The following PDK1 variants were observed in gnomAD, a reference collection of about 807,000 sequenced individuals.
PDK1 encodes pyruvate dehydrogenase kinase 1.
PDK1 carries 39 observed loss-of-function variants against 54.2 expected under a neutral mutation model. That is an observed-to-expected ratio of 0.72 (90% confidence interval 0.56 to 0.94). PDK1 has a LOEUF of 0.94. Ranked by LOEUF, PDK1 falls within the 40% of genes least tolerant of loss-of-function variation. The probability of loss-of-function intolerance (pLI) is 0.00; values close to 1 mark genes in which losing one functional copy is unlikely to be tolerated. For synonymous variants in PDK1, 221 were observed against 207.1 expected (o/e 1.07, Z -0.58); for missense variants, 552 against 566.0 (o/e 0.98, Z 0.25).
chr2:172,626,675 TC>T, the PDK1 span, among the ~76,000 whole-genome samples: 2 of 151,932 alleles, frequency 1.3e-5, no homozygotes, highest in Non-Finnish European at 2.9e-5. Flanking sequence ...ATTCCTGTAG[TC>T]CCAGCTTCTC....
chr2:172,715,608 G>A, the PDK1 span, among the ~76,000 whole-genome samples: 1 of 152,256 alleles, frequency 6.6e-6, no homozygotes, highest in African/African-American at 2.4e-5. Context: ...CCCGCCTCAT[G>A]GGAATGCAAC....
chr2:172,677,419 A>G, the PDK1 span: 1 of 152,136 alleles, frequency 6.6e-6, no homozygotes, highest in South Asian at 2.1e-4. Context: ...TTTTGTATCT[A>G]TTTTGCCTTT....
chr2:172,667,241 G>T, the PDK1 span, among the ~76,000 whole-genome samples: 1 of 152,208 alleles, frequency 6.6e-6, no homozygotes, highest in Non-Finnish European at 1.5e-5. Context: ...GAAAGCAGAG[G>T]GAATGAGAGG....
chr2:172,711,249 TCA>T, the PDK1 span, among the ~76,000 whole-genome samples: 1 of 152,208 alleles, frequency 6.6e-6, no homozygotes, highest in African/African-American at 2.4e-5. Context: ...CCATAGTGTG[TCA>T]GTGTGTTTCC....
intron 8 of PDK1, among the ~76,000 whole-genome samples, chr2:172,574,470 A>G (rs919990792): frequency 6.6e-6 from 1 of 152,214 alleles, no homozygotes; most frequent in African/African-American, 2.4e-5. Flanking sequence ...AATGCCAGCT[A>G]GAATTTTGAT....
chr2:172,596,048 A>G lies in PDK1; in HGVS notation c.*79A>G. On this transcript the variant is annotated 3_prime_UTR_variant, in exon 11 of 11. Coordinates refer to ENST00000282077, the MANE Select transcript of PDK1 (RefSeq NM_002610.5). ...GGTATGGTGTTCAGAACTATATTAT[A>G]CCAAGTACTTTATTTATCGTTTTCA... 8.5e-7 allele frequency: 1 copy of G among 1,172,472 alleles called. No individual in the cohort carries two copies. Among genetic ancestry groups the G allele is most frequent in the Non-Finnish European group, 1.2e-6 (1 of 839,156 alleles). The allele number at this position is 1,172,472 out of a possible 1,614,324, so 72.6% of individuals were successfully genotyped here.
At chr2:172,699,398 C>T in the PDK1 span, among the ~76,000 whole-genome samples, 1 of 151,720 alleles carries the variant, frequency 6.6e-6, no homozygotes, top group East Asian at 1.9e-4. Flanking sequence ...GAAACAAACT[C>T]TTCCGTCCCT....
the PDK1 span, among the ~76,000 whole-genome samples, chr2:172,638,850 ATTAAACG>A: frequency 6.6e-6 from 1 of 152,200 alleles, no homozygotes; most frequent in Non-Finnish European, 1.5e-5. Context: ...CCACATATAA[ATTAAACG>A]TTCTTACATT....
chr2:172,572,390 G>A (rs191094499), intron 8 of PDK1, among the ~76,000 whole-genome samples: 96 of 152,216 alleles, frequency 6.3e-4, no homozygotes, highest in African/African-American at 2.2e-3. Context: ...AAGTATTGCC[G>A]CTGTCTCATT....
chr2:172,601,626 CT>C lies in PDK1; in HGVS notation c.*5662del, dbSNP rs1691119777. 2 of 152,152 alleles carry C rather than the reference CT, an allele frequency of 1.3e-5. No individual in the cohort carries two copies. The highest frequency in any genetic ancestry group is 1.5e-5 in the Non-Finnish European group (1 of 68,038). 9.4% of individuals were successfully genotyped at this position (152,152 alleles called of 1,614,324 possible). On this transcript the variant is annotated 3_prime_UTR_variant, in exon 11 of 11. Coordinates refer to ENST00000282077, the MANE Select transcript of PDK1 (RefSeq NM_002610.5). The stretch of plus-strand genomic sequence containing the variant: ...AGCCTTGCGGAACTGTGAGTCAATC[CT>C]TTTTATTATAAATTACCCCGTCTCA...
At chr2:172,699,478 CTT>C in the PDK1 span, among the ~76,000 whole-genome samples, 49 of 130,204 alleles carry the variant, frequency 3.8e-4, no homozygotes, top group East Asian at 4.4e-4. Context: ...CCTCATCTGA[CTT>C]TTTTTTTTTT....
chr2:172,634,211 A>G, the PDK1 span, among the ~76,000 whole-genome samples: 54 of 148,476 alleles, frequency 3.6e-4, no homozygotes, highest in Middle Eastern at 3.5e-3. Context: ...TTCATTCAGC[A>G]TTATGTTTTT....
chr2:172,682,650 C>T, the PDK1 span, among the ~76,000 whole-genome samples: 1 of 152,154 alleles, frequency 6.6e-6, no homozygotes, highest in Non-Finnish European at 1.5e-5. Context: ...GCTTTGCAGA[C>T]CTAAACCCAG....
chr2:172,686,446 A>G, the PDK1 span, among the ~76,000 whole-genome samples: 2 of 152,140 alleles, frequency 1.3e-5, no homozygotes, highest in African/African-American at 2.4e-5. Context: ...AGCTAGCTGG[A>G]GGTTTGTAAA....
In PDK1 at chr2:172,604,189, C is replaced by T. The variant is rs1691209706; in HGVS notation, c.*8220C>T. ...CTCTGCCTCCTGAGTTGAAGCAATT[C>T]TCCTGCCTCAGCCTCCCCAGTAGCT... On this transcript the variant is annotated 3_prime_UTR_variant, in exon 11 of 11. Transcript: ENST00000282077. 6.6e-6 allele frequency: 1 copy of T among 152,250 alleles called. No homozygotes were observed. The highest frequency in any genetic ancestry group is 2.4e-5 in the African/African-American group (1 of 41,460). The allele number at this position is 152,250 out of a possible 1,614,324, so 9.4% of individuals were successfully genotyped here.
At chr2:172,643,313 G>A in the PDK1 span, among the ~76,000 whole-genome samples, 6 of 152,258 alleles carry the variant, frequency 3.9e-5, no homozygotes, top group African/African-American at 7.2e-5. Context: ...CCTGTCATCC[G>A]TTTGTCAAAT....
the PDK1 span, among the ~76,000 whole-genome samples, chr2:172,685,727 G>C: frequency 6.6e-6 from 1 of 152,286 alleles, no homozygotes; most frequent in South Asian, 2.1e-4. Context: ...TATTGTTCAT[G>C]ATAAATCAGC....
At chr2:172,570,523 G>T in intron 7 of PDK1, 1 of 402,240 alleles carries the variant, frequency 2.5e-6, no homozygotes, top group East Asian at 3.7e-5. Flanking sequence ...AATTTAGTTG[G>T]AGTCTTTAGG....
chr2:172,696,308 T>C, the PDK1 span, among the ~76,000 whole-genome samples: 2 of 152,144 alleles, frequency 1.3e-5, no homozygotes, highest in East Asian at 1.9e-4. Context: ...AGCTAAGCTA[T>C]GCCTGAACTC....
Sources: allele counts gnomAD v4.1 joint callset (sites outside exome capture counted in the v4.1 genomes callset), GRCh38; gene constraint gnomAD v4.1.1; transcripts MANE v1.5; gene names NCBI Gene and HGNC (gene_info 2026-07-23, HGNC 2026-07-21).